DPP6: variants seen among roughly 807,000 people sequenced by gnomAD.
DPP6 encodes dipeptidyl peptidase like 6.
DPP6 carries 69 observed loss-of-function variants against 122.6 expected under a neutral mutation model. That is an observed-to-expected ratio of 0.56 (90% CI 0.46 to 0.69). DPP6 has a LOEUF of 0.69. Ranked by LOEUF, DPP6 falls within the 30% of genes least tolerant of loss-of-function variation. The pLI is 0.00. For missense variants in DPP6, 928 were observed against 1,116.9 expected, an observed-to-expected ratio of 0.83 and a Z score of 2.41; for synonymous variants, 418 against 433.1, an observed-to-expected ratio of 0.97 and a Z score of 0.43.
At chr7:153,939,562 G>T (rs1475029023) in intron 1 of DPP6, among the ~76,000 whole-genome samples, 1 of 152,172 alleles carries the variant, frequency 6.6e-6, no homozygotes, top group Non-Finnish European at 1.5e-5. Flanking sequence ...CCTCACTCAG[G>T]CTGGGGTTAG....
Position 154,074,348 on chromosome 7 carries a change from A to C in DPP6, c.243+21285A>C, listed in dbSNP as rs1019296009. 5.2e-4 allele frequency among the ~76,000 whole-genome samples: 79 copies of C among 152,176 alleles called. 1 individual carries two copies. The highest frequency in any genetic ancestry group is 1.8e-3 in the African/African-American group (76 of 41,518). On this transcript the variant is annotated intron_variant, in intron 1 of 25. Transcript: ENST00000377770. ...AGGAGCAAATATTATGAAAGCATTAAAACACCAAGACTAACCAAGACAATC... is the reference window on the plus strand; with the variant it reads ...AGGAGCAAATATTATGAAAGCATTACAACACCAAGACTAACCAAGACAATC...
chr7:153,775,009 A>G, the DPP6 span, among the ~76,000 whole-genome samples: 1 of 151,620 alleles, frequency 6.6e-6, no homozygotes, highest in Non-Finnish European at 1.5e-5. Flanking sequence ...TATTCAACAT[A>G]TTCTAAAAAG....
chr7:154,397,043 T>C (rs1815149755), intron 1 of DPP6, among the ~76,000 whole-genome samples: 1 of 151,888 alleles, frequency 6.6e-6, no homozygotes, highest in Non-Finnish European at 1.5e-5. Flanking sequence ...TTTGGAATAA[T>C]CTAATGAAAT....
At chr7:153,975,845 C>G in intron 1 of DPP6, among the ~76,000 whole-genome samples, 1 of 152,190 alleles carries the variant, frequency 6.6e-6, no homozygotes, top group East Asian at 1.9e-4. Flanking sequence ...AGCCGTCACT[C>G]AATGTGAGGT....
intron 1 of DPP6, among the ~76,000 whole-genome samples, chr7:153,980,059 A>G (rs1463652820): frequency 2.6e-5 from 4 of 152,116 alleles, no homozygotes; most frequent in African/African-American, 4.8e-5. Flanking sequence ...GCTGGCCTCA[A>G]AAATGAGTTA....
chr7:153,890,683 CTTTTTTTTTTT>C (rs34345128), intron 1 of DPP6, among the ~76,000 whole-genome samples: 1 of 81,962 alleles, frequency 1.2e-5, no homozygotes, highest in Non-Finnish European at 2.1e-5. Context: ...CAGTTTAGAA[CTTTTTTTTTTT>C]TTTTTTTTTT....
chr7:153,899,452 C>T (rs181406351), intron 1 of DPP6, among the ~76,000 whole-genome samples: 5 of 152,162 alleles, frequency 3.3e-5, no homozygotes, highest in African/African-American at 4.8e-5. Context: ...TCGTCTCGCT[C>T]ATCCACCTTT....
In DPP6 at chr7:154,288,362, G is replaced by A. The variant is rs142044645; in HGVS notation, c.244-157852G>A. The stretch of plus-strand genomic sequence containing the variant: ...TGGGAGAGACAGAGTCCACTGAGAT[G>A]CCTCAGCTACCCAGGGTTCCCACTG... On this transcript the variant is annotated intron_variant, in intron 1 of 25. Transcript: ENST00000377770. 6.0e-3 allele frequency among the ~76,000 whole-genome samples: 916 copies of A among 152,272 alleles called. 10 individuals carry two copies. Among genetic ancestry groups the A allele is most frequent in the African/African-American group, 5.1e-3 (212 of 41,554 alleles).
chr7:154,195,420 T>C (rs927717929), intron 1 of DPP6, among the ~76,000 whole-genome samples: 5 of 151,596 alleles, frequency 3.3e-5, no homozygotes, highest in Non-Finnish European at 4.4e-5. Flanking sequence ...TGCCGTTGGC[T>C]GGCAGCCTGT....
At chr7:153,981,957 T>A (rs1255079117) in intron 1 of DPP6, among the ~76,000 whole-genome samples, 9 of 152,286 alleles carry the variant, frequency 5.9e-5, no homozygotes, top group Admixed American at 2.0e-4. Context: ...CTGACCTTTC[T>A]CTCTGGCTGC....
intron 8 of DPP6, among the ~76,000 whole-genome samples, 153 bp from the exon 9 acceptor site, chr7:154,769,264 G>A (rs927999059): frequency 1.3e-5 from 2 of 152,234 alleles, no homozygotes; most frequent in Non-Finnish European, 2.9e-5. Flanking sequence ...GGAAGCATGT[G>A]CAGAACACAG....
At chr7:153,879,692 A>C in the DPP6 span, among the ~76,000 whole-genome samples, 1 of 152,144 alleles carries the variant, frequency 6.6e-6, no homozygotes, top group Admixed American at 6.5e-5. Flanking sequence ...CCTGGTCCAA[A>C]ATATCTCTTA....
chr7:153,941,854 CCT>C (rs895074556), intron 1 of DPP6, among the ~76,000 whole-genome samples: 4 of 152,190 alleles, frequency 2.6e-5, no homozygotes, highest in African/African-American at 7.2e-5. Flanking sequence ...CTCCTCTCTC[CCT>C]CTCTCTGTTT....
chr7:153,969,194 A>C (rs1795897853), intron 1 of DPP6, among the ~76,000 whole-genome samples: 1 of 151,298 alleles, frequency 6.6e-6, no homozygotes, highest in South Asian at 2.1e-4. Context: ...GTACCTTGCC[A>C]CGTTAGAATG....
At chr7:154,576,294 A>G (rs1831666355) in intron 5 of DPP6, among the ~76,000 whole-genome samples, 2 of 152,076 alleles carry the variant, frequency 1.3e-5, no homozygotes, top group African/African-American at 4.8e-5. Context: ...CACTCCCTGC[A>G]GAGGCCCGAG....
intron 3 of DPP6, among the ~76,000 whole-genome samples, chr7:154,498,225 G>C (rs28498135): frequency 0.087 from 13,221 of 152,186 alleles, 1,861 homozygotes; most frequent in African/African-American, 0.3. Flanking sequence ...GGAGAGTGAG[G>C]TACTTGGACT....
intron 1 of DPP6, among the ~76,000 whole-genome samples, chr7:154,077,675 TA>T (rs199603698): frequency 1.1e-3 from 144 of 130,364 alleles, no homozygotes; most frequent in African/African-American, 2.9e-3. Context: ...TTATTATTAT[TA>T]TTTTTTTTTT....
chr7:154,878,855 G>C (rs1327477759), intron 20 of DPP6, among the ~76,000 whole-genome samples: 2 of 152,226 alleles, frequency 1.3e-5, no homozygotes, highest in African/African-American at 2.4e-5. Context: ...TACACACACA[G>C]ACACCCTGGG....
intron 1 of DPP6, among the ~76,000 whole-genome samples, chr7:154,308,387 G>A (rs1169680136): frequency 2.0e-5 from 3 of 152,164 alleles, no homozygotes; most frequent in Non-Finnish European, 4.4e-5. Context: ...AAACAAGCCA[G>A]AGTAACAAGG....
Sources: allele counts gnomAD v4.1 joint callset (sites outside exome capture counted in the v4.1 genomes callset), GRCh38; gene constraint gnomAD v4.1.1; transcripts MANE v1.5; gene names NCBI Gene and HGNC (gene_info 2026-07-23, HGNC 2026-07-21).